Variants in ZNF738 observed in about 807,000 individuals in gnomAD.
The protein encoded by ZNF738 is zinc finger protein 738.
ZNF738 carries 10 observed loss-of-function variants against 9.2 expected under a neutral mutation model. That is an observed-to-expected ratio of 1.09 (90% CI 0.67 to 1.85). The LOEUF (loss-of-function observed/expected upper bound fraction) is 1.85, where lower values mean the gene tolerates loss of function less well. ZNF738 is among the 40% of genes most tolerant of loss of function. The pLI, the probability that ZNF738 is intolerant of heterozygous loss-of-function variation, is 0.00. For missense variants in ZNF738, 346 were observed against 283.6 expected, an observed-to-expected ratio of 1.22 and a Z score of -1.58; for synonymous variants, 113 against 94.5, an observed-to-expected ratio of 1.20 and a Z score of -1.14.
intron 4 of ZNF738, chr19:21,376,212 A>T (rs903072139): frequency 3.0e-6 from 1 of 333,350 alleles, no homozygotes; most frequent in African/African-American, 2.2e-5. Context: ...TTTTCCTTCA[A>T]GTTCACAGTG....
chr19:21,383,742 C>T lies in ZNF738; in HGVS notation c.*68C>T, dbSNP rs1974034819. On this transcript the variant is annotated 3_prime_UTR_variant, in exon 5 of 5. Transcript: ENST00000683779. ...AAGATAATTCATACTGAAGAGAAAC[C>T]CTACAAATGTGAGGAATGTGGCAAA... The T allele has an allele frequency of 1.8e-6, 2 of 1,102,028 alleles. No homozygotes were observed. Among genetic ancestry groups the T allele is most frequent in the Non-Finnish European group, 2.8e-6 (2 of 724,802 alleles). The allele number at this position is 1,102,028 out of a possible 1,614,324, so 68.3% of individuals were successfully genotyped here.
Position 21,382,972 on chromosome 19 carries a change from A to T in ZNF738, c.426A>T (p.Leu142Phe). Residue 142 changes from leucine to phenylalanine, a missense_variant, in exon 5 of 5, where the codon TTA (leucine) becomes TTT (phenylalanine). Coordinates refer to ENST00000683779, the MANE Select transcript of ZNF738 (RefSeq NM_001355237.2). ...REYGNYGHKD[L>F]QLRKGCKSVN... ...ATGGAAATTATGGACATAAAGATTT[A>T]CAGTTAAGAAAAGGCTGTAAAAGTG... 1.5e-6 allele frequency: 1 copy of T among 665,934 alleles called. No homozygotes were observed. The highest frequency in any genetic ancestry group is 2.8e-6 in the Non-Finnish European group (1 of 358,282). The allele number at this position is 665,934 out of a possible 1,614,324, so 41.3% of individuals were successfully genotyped here.
At chr19:21,376,947 G>T (rs1232516074) in intron 4 of ZNF738, among the ~76,000 whole-genome samples, 1 of 152,042 alleles carries the variant, frequency 6.6e-6, no homozygotes, top group African/African-American at 2.4e-5. Flanking sequence ...AGAGAATGTT[G>T]CATAAGCTAT....
At chr19:21,365,566 A>T (rs1973765270) in intron 2 of ZNF738, among the ~76,000 whole-genome samples, 2 of 152,084 alleles carry the variant, frequency 1.3e-5, no homozygotes, top group Non-Finnish European at 2.9e-5. Flanking sequence ...TGAGGTAGAG[A>T]GGAGCTCAAT....
In ZNF738 at chr19:21,359,023, C is replaced by A; in HGVS notation, c.-118C>A. 1.3e-6 allele frequency: 1 copy of A among 778,910 alleles called. No homozygotes were observed. The highest frequency in any genetic ancestry group is 2.3e-6 in the Non-Finnish European group (1 of 426,928). 48.2% of individuals were successfully genotyped at this position (778,910 alleles called of 1,614,324 possible). ...TTGTCTTTGGCTGCCGCTGGAACTC[C>A]GGGTCTCGTCTTCACTGCTCTGTGT... On this transcript the variant is annotated 5_prime_UTR_variant, in exon 1 of 5. Transcript: ENST00000683779.
chr19:21,365,942 G>C (rs2145222014), intron 2 of ZNF738, among the ~76,000 whole-genome samples: 1 of 137,688 alleles, frequency 7.3e-6, no homozygotes, highest in South Asian at 2.5e-4. Flanking sequence ...GGGTGACAGA[G>C]GGAGACTCCA....
chr19:21,359,290 C>A, intron 1 of ZNF738, 147 bp downstream of exon 1: 2 of 760,816 alleles, frequency 2.6e-6, no homozygotes, highest in Non-Finnish European at 2.4e-6. Context: ...CCTCAGTCGC[C>A]TTCAGCCATA....
intron 1 of ZNF738, 111 bp downstream of exon 1, chr19:21,359,254 C>T: frequency 1.2e-6 from 1 of 829,930 alleles, no homozygotes; most frequent in South Asian, 1.3e-5. Flanking sequence ...ACAATCTGCG[C>T]CCCGAGTTCT....
Position 21,383,414 on chromosome 19 carries a change from T to C in ZNF738, c.868T>C (p.Cys290Arg), listed in dbSNP as rs1974030146. ...VIHAGEKHYKCEKCGKDFKQS... is the reference protein window; with the variant it reads ...VIHAGEKHYKREKCGKDFKQS... ...TCATGCTGGAGAGAAACACTACAAATGTGAAAAATGTGGCAAAGATTTTAA... is the reference window on the plus strand; with the variant it reads ...TCATGCTGGAGAGAAACACTACAAACGTGAAAAATGTGGCAAAGATTTTAA... Residue 290 changes from cysteine to arginine, a missense_variant, in exon 5 of 5, where the codon TGT (cysteine) becomes CGT (arginine). Physicochemically the swap from Cys to Arg is radical, Grantham distance 180. Coordinates refer to ENST00000683779, the MANE Select transcript of ZNF738 (RefSeq NM_001355237.2). 1.7e-6 allele frequency: 1 copy of C among 576,028 alleles called. No homozygotes were observed. The highest frequency in any genetic ancestry group is 2.9e-5 in the East Asian group (1 of 34,432). 35.7% of individuals were successfully genotyped at this position (576,028 alleles called of 1,614,324 possible).
At chr19:21,375,473 T>A (rs1319075394) in intron 3 of ZNF738, 109 bp downstream of exon 3, 3 of 543,178 alleles carry the variant, frequency 5.5e-6, no homozygotes, top group Non-Finnish European at 6.7e-6. Flanking sequence ...GCGTTTCTGA[T>A]CCCTGTTTTC....
rs1229445740 is a variant in ZNF738 at position 21,386,211 on chromosome 19, C to A, written c.*2537C>A. 1 of 284,156 alleles carries A rather than the reference C, an allele frequency of 3.5e-6. No homozygotes were observed. Among genetic ancestry groups the A allele is most frequent in the East Asian group, 9.1e-5 (1 of 10,966 alleles). 17.6% of individuals were successfully genotyped at this position (284,156 alleles called of 1,614,324 possible). A position where few individuals can be genotyped will look rare whatever the true frequency, so the allele number is the denominator to read the frequency against. ...GAATGTGGCAAAGCCTTTAATGGTC[C>A]CCTCAACTTTCTGCACATAAGATAA... is the stretch of plus-strand genomic sequence containing the variant. On this transcript the variant is annotated 3_prime_UTR_variant, in exon 5 of 5. Coordinates refer to ENST00000683779, the MANE Select transcript of ZNF738 (RefSeq NM_001355237.2).
At chr19:21,364,209 A>AAAAAAAAAAAT (rs1973743414) in intron 2 of ZNF738, among the ~76,000 whole-genome samples, 1 of 150,626 alleles carries the variant, frequency 6.6e-6, no homozygotes, top group East Asian at 1.9e-4. Context: ...AAAAAAAAAA[A>AAAAAAAAAAAT]GAATTCAAAA....
intron 4 of ZNF738, chr19:21,377,713 T>C (rs531013695): frequency 2.7e-6 from 1 of 372,468 alleles, no homozygotes; most frequent in East Asian, 3.8e-5. Flanking sequence ...TTGCATGCAA[T>C]GTCTAAATCT....
At chr19:21,367,910 T>G (rs1162718537) in intron 2 of ZNF738, among the ~76,000 whole-genome samples, 1 of 152,214 alleles carries the variant, frequency 6.6e-6, no homozygotes, top group Non-Finnish European at 1.5e-5. Context: ...TCCTGGCATA[T>G]CCCCACTGTA....
chr19:21,361,094 G>C (rs1425308340), intron 1 of ZNF738, among the ~76,000 whole-genome samples: 1 of 151,446 alleles, frequency 6.6e-6, no homozygotes, highest in African/African-American at 2.4e-5. Context: ...GATTACAGGC[G>C]TGAGCCACTG....
At chr19:21,377,096 T>C (rs942986765) in intron 4 of ZNF738, among the ~76,000 whole-genome samples, 1 of 151,972 alleles carries the variant, frequency 6.6e-6, no homozygotes, top group Admixed American at 6.6e-5. Context: ...TCATCTGAGT[T>C]TGGGAGTTTG....
chr19:21,376,752 T>C (rs1568369839), intron 4 of ZNF738, among the ~76,000 whole-genome samples: 1 of 152,186 alleles, frequency 6.6e-6, no homozygotes, highest in East Asian at 1.9e-4. Flanking sequence ...TATTAAAAAA[T>C]TGGATTTTTA....
rs1973645223 is a variant in ZNF738, at chr19:21,359,045, G to C, written c.-96G>C. 3 of 825,374 alleles carry C rather than the reference G, an allele frequency of 3.6e-6. No individual in the cohort carries two copies. Among genetic ancestry groups the C allele is most frequent in the Non-Finnish European group, 6.4e-6 (3 of 465,838 alleles). The allele number at this position is 825,374 out of a possible 1,614,324, so 51.1% of individuals were successfully genotyped here. A position where few individuals can be genotyped will look rare whatever the true frequency, so the allele number is the denominator to read the frequency against. On this transcript the variant is annotated 5_prime_UTR_variant, in exon 1 of 5. Transcript: ENST00000683779. Reference sequence around the variant, plus strand: ...CTCCGGGTCTCGTCTTCACTGCTCTGTGTCCTCTGCTCCTAGAGGCCCAGC... The same window carrying C: ...CTCCGGGTCTCGTCTTCACTGCTCTCTGTCCTCTGCTCCTAGAGGCCCAGC...
At chr19:21,361,489 G>A (rs183836407) in intron 1 of ZNF738, among the ~76,000 whole-genome samples, 1 of 152,324 alleles carries the variant, frequency 6.6e-6, no homozygotes, top group African/African-American at 2.4e-5. Context: ...TATTTTCCAT[G>A]AAAAGAAAGC....
Sources: allele counts gnomAD v4.1 joint callset (sites outside exome capture counted in the v4.1 genomes callset), GRCh38; gene constraint gnomAD v4.1.1; transcripts MANE v1.5; gene names NCBI Gene and HGNC (gene_info 2026-07-23, HGNC 2026-07-21).